Variants in PACRG observed in about 807,000 individuals in gnomAD.
PACRG encodes parkin coregulated gene protein.
Under a neutral mutation model 29.7 loss-of-function variants are expected in PACRG, and 29 were observed. The ratio of observed to expected loss-of-function variants is 0.98; its 90% CI spans 0.73 to 1.33. PACRG has a LOEUF of 1.33. Among genes scored for constraint, PACRG ranks in the 40% most tolerant of loss-of-function variants. The pLI is 0.00. For synonymous variants in PACRG, 116 were observed against 118.7 expected (o/e 0.98, Z 0.15); for missense variants, 279 against 316.2 (o/e 0.88, Z 0.89).
intron 4 of PACRG, chr6:163,190,144 C>T (rs1338580371): frequency 6.6e-6 from 1 of 152,202 alleles, no homozygotes; most frequent in Non-Finnish European, 1.5e-5. Flanking sequence ...AGCTCATCCC[C>T]ATCCTAACAG....
chr6:163,083,720 G>A (rs1047554378), intron 3 of PACRG, among the ~76,000 whole-genome samples: 1 of 152,132 alleles, frequency 6.6e-6, no homozygotes, highest in African/African-American at 2.4e-5. Context: ...ATTGGGTTGT[G>A]ATAGCTATTT....
chr6:163,208,034 C>T (rs746796175), intron 4 of PACRG, among the ~76,000 whole-genome samples: 3 of 152,156 alleles, frequency 2.0e-5, no homozygotes, highest in East Asian at 3.9e-4. Context: ...CACAGACGGT[C>T]GGGCAATGCT....
intron 4 of PACRG, among the ~76,000 whole-genome samples, chr6:163,244,440 T>G (rs1782618767): frequency 6.6e-6 from 1 of 152,202 alleles, no homozygotes; most frequent in South Asian, 2.1e-4. Context: ...TGCCGTGCCT[T>G]GCAATTGCAC....
intron 4 of PACRG, among the ~76,000 whole-genome samples, chr6:163,166,646 A>G (rs1451773404): frequency 1.3e-5 from 2 of 152,246 alleles, no homozygotes; most frequent in Non-Finnish European, 2.9e-5. Context: ...AATAAAATGT[A>G]TTTATTTCAG....
chr6:162,727,575 G>A (rs1057350942), upstream of PACRG: 26 of 1,380,384 alleles, frequency 1.9e-5, no homozygotes, highest in Middle Eastern at 1.8e-4. Context: ...TTGGCACCGG[G>A]GGTCCTGGTC....
At chr6:162,729,836 T>C (rs1779613902) in intron 1 of PACRG, among the ~76,000 whole-genome samples, 1 of 152,106 alleles carries the variant, frequency 6.6e-6, no homozygotes, top group South Asian at 2.1e-4. Flanking sequence ...AATCTGATGT[T>C]TCTGTATTGC....
At chr6:162,859,658 G>C (rs1000174135) in intron 2 of PACRG, among the ~76,000 whole-genome samples, 1 of 152,110 alleles carries the variant, frequency 6.6e-6, no homozygotes, top group Non-Finnish European at 1.5e-5. Context: ...CTCCCCTGAA[G>C]ACCCTCAAGT....
At chr6:163,274,573 T>C (rs1002976700) in intron 4 of PACRG, among the ~76,000 whole-genome samples, 22 of 152,164 alleles carry the variant, frequency 1.4e-4, no homozygotes, top group Non-Finnish European at 5.9e-5. Flanking sequence ...GGTCAAATGG[T>C]ATTTCTAGTT....
At chr6:163,006,258 G>A (rs1460960457) in intron 2 of PACRG, among the ~76,000 whole-genome samples, 1 of 142,284 alleles carries the variant, frequency 7.0e-6, no homozygotes, top group Non-Finnish European at 1.5e-5. Flanking sequence ...ATTTTGATAT[G>A]GGCATACAAT....
intron 4 of PACRG, among the ~76,000 whole-genome samples, chr6:163,162,994 A>G (rs1270757634): frequency 6.6e-6 from 1 of 152,228 alleles, no homozygotes; most frequent in African/African-American, 2.4e-5. Flanking sequence ...CAAACTCCAA[A>G]TCGATCAGCC....
At chr6:162,838,115 C>A (rs1789398640) in intron 2 of PACRG, among the ~76,000 whole-genome samples, 1 of 152,076 alleles carries the variant, frequency 6.6e-6, no homozygotes, top group African/African-American at 2.4e-5. Context: ...TCTTAGTTGA[C>A]TTATTATTAC....
At chr6:163,076,768 C>T (rs949347039) in intron 3 of PACRG, among the ~76,000 whole-genome samples, 1 of 152,132 alleles carries the variant, frequency 6.6e-6, no homozygotes, top group Admixed American at 6.5e-5. Context: ...AAGTGACCTT[C>T]AAAGCCCAGC....
intron 1 of PACRG, among the ~76,000 whole-genome samples, chr6:162,812,419 T>C (rs866208781): frequency 6.6e-6 from 1 of 152,114 alleles, no homozygotes; most frequent in Non-Finnish European, 1.5e-5. Context: ...ACTGGCACTA[T>C]TGCACATAAT....
At chr6:163,009,257 T>C (rs531018977) in intron 2 of PACRG, among the ~76,000 whole-genome samples, 2 of 152,338 alleles carry the variant, frequency 1.3e-5, no homozygotes, top group African/African-American at 4.8e-5. Context: ...TGAGATTTCA[T>C]GTGACCATAA....
chr6:162,894,309 T>C (rs115984257), intron 2 of PACRG, among the ~76,000 whole-genome samples: 1,862 of 152,260 alleles, frequency 0.012, 36 homozygotes, highest in African/African-American at 0.041. Flanking sequence ...GATGGAAAAA[T>C]GCTGATAAAT....
At chr6:163,107,503 G>A (rs570309809) in intron 4 of PACRG, among the ~76,000 whole-genome samples, 1 of 152,292 alleles carries the variant, frequency 6.6e-6, no homozygotes, top group Admixed American at 6.5e-5. Flanking sequence ...GAGTCACACG[G>A]CGCACACTGC....
rs1190146053 is a variant in PACRG at position 162,747,325 on chromosome 6, CATATATATATATATATATATATAT to C, written c.156+18950_156+18973del. Among the ~76,000 whole-genome samples the C allele has an allele frequency of 1.2e-4, 4 of 33,230 alleles. 1 individual carries two copies. The highest frequency in any genetic ancestry group is 2.3e-4 in the Non-Finnish European group (4 of 17,472). 21.8% of individuals were successfully genotyped at this position (33,230 alleles called of 152,430 possible). A position where few individuals can be genotyped will look rare whatever the true frequency, so the allele number is the denominator to read the frequency against. ...GGAACTCAGACTGGCTCTCCTTGCT[CATATATATATATATATATATATAT>C]ATATATATATATATACACATACATA... is the stretch of plus-strand genomic sequence containing the variant. On this transcript the variant is annotated intron_variant, in intron 1 of 4. Coordinates refer to ENST00000366888, the MANE Select transcript of PACRG (RefSeq NM_001080379.2).
Position 162,951,972 on chromosome 6 carries a change from G to T in PACRG, c.292-110178G>T, listed in dbSNP as rs528987477. 3.9e-5 allele frequency among the ~76,000 whole-genome samples: 6 copies of T among 152,220 alleles called. No homozygotes were observed. In the East Asian group the frequency reaches 7.8e-4, roughly 20 times the overall value. On this transcript the variant is annotated intron_variant, in intron 2 of 4. Transcript: ENST00000366888. ...CCCTTCTGCTTTCCAGGTTTCTGCTGCTGAATCTTAGGAGAGAAATGCTCT... is the reference window on the plus strand; with the variant it reads ...CCCTTCTGCTTTCCAGGTTTCTGCTTCTGAATCTTAGGAGAGAAATGCTCT...
At chr6:162,933,659 A>G (rs953958939) in intron 2 of PACRG, among the ~76,000 whole-genome samples, 6 of 113,796 alleles carry the variant, frequency 5.3e-5, no homozygotes, top group Non-Finnish European at 1.0e-4. Context: ...TAATTACACT[A>G]CTCCTGCACA....
Sources: allele counts gnomAD v4.1 joint callset (sites outside exome capture counted in the v4.1 genomes callset), GRCh38; gene constraint gnomAD v4.1.1; transcripts MANE v1.5; gene names NCBI Gene and HGNC (gene_info 2026-07-23, HGNC 2026-07-21).